The following F10 variants were observed in gnomAD, a reference collection of about 807,000 sequenced individuals.
The protein encoded by F10 is Stuart-Prower factor.
In F10, 29 loss-of-function variants were observed where a neutral mutation model predicts 37.1. The ratio of observed to expected loss-of-function variants is 0.78; its 90% CI spans 0.58 to 1.07. F10 has a LOEUF of 1.07. F10 is among the 50% of genes least tolerant of loss of function. F10 has a pLI of 0.00. For missense variants in F10, 539 were observed against 667.9 expected, an observed-to-expected ratio of 0.81 and a Z score of 2.13; for synonymous variants, 262 against 268.6, an observed-to-expected ratio of 0.98 and a Z score of 0.24.
At chr13:113,127,792 T>G (rs905847663) in intron 1 of F10, among the ~76,000 whole-genome samples, 1 of 152,188 alleles carries the variant, frequency 6.6e-6, no homozygotes, top group Non-Finnish European at 1.5e-5. Flanking sequence ...AGTTTGTAAT[T>G]GAAACAGCAT....
chr13:113,147,461 G>A lies in F10; in HGVS notation c.830G>A (p.Cys277Tyr). 3 of 1,613,896 alleles carry A rather than the reference G, an allele frequency of 1.9e-6. No individual in the cohort carries two copies. The highest frequency in any genetic ancestry group is 2.5e-6 in the Non-Finnish European group (3 of 1,179,806). The change falls in exon 7 of 8, where the codon TGT (cysteine) becomes TAT (tyrosine). Residue 277 changes from cysteine (C) to tyrosine (Y), a missense_variant. Transcript: ENST00000375559. Reference protein sequence around the residue: ...SEFYILTAAHCLYQAKRFKVR... With the variant: ...SEFYILTAAHYLYQAKRFKVR... ...TTCTACATCCTAACGGCAGCCCACT[G>A]TCTCTACCAAGCCAAGAGATTCAAG...
chr13:113,143,464 T>C lies in F10; in HGVS notation c.503-387T>C, dbSNP rs138983032. On this transcript the variant is annotated intron_variant, in intron 5 of 7. Coordinates refer to ENST00000375559, the MANE Select transcript of F10 (RefSeq NM_000504.4). This position sits in a 1 kb window ranked among gnomAD's most constrained non-coding sequence, Gnocchi z 6.8. Reference sequence around the variant, plus strand: ...TCGCACACGCCCAGCACTTGGGTTCTCCTGTTGGCATCCTCCGGCCAGATG... The same window carrying C: ...TCGCACACGCCCAGCACTTGGGTTCCCCTGTTGGCATCCTCCGGCCAGATG... Among the ~76,000 whole-genome samples the C allele has an allele frequency of 3.1e-3, 478 of 152,254 alleles. 3 individuals carry two copies. The highest frequency in any genetic ancestry group is 0.011 in the African/African-American group (456 of 41,542).
At chr13:113,142,038 T>C (rs1171106280) in intron 5 of F10, among the ~76,000 whole-genome samples, 1 of 152,194 alleles carries the variant, frequency 6.6e-6, no homozygotes, top group Non-Finnish European at 1.5e-5. Flanking sequence ...AGATGAGTGA[T>C]CACGAAAAGA....
At chr13:113,129,691 C>T in intron 2 of F10, 79 bp downstream of exon 2, 1 of 1,585,284 alleles carries the variant, frequency 6.3e-7, no homozygotes, top group Admixed American at 1.7e-5. Context: ...CTCCGTCCAT[C>T]CAGGGGGGCG....
At chr13:113,140,192 G>A (rs1056349980) in intron 4 of F10, among the ~76,000 whole-genome samples, 14 of 150,570 alleles carry the variant, frequency 9.3e-5, no homozygotes, top group Admixed American at 2.0e-4. Flanking sequence ...TCCTGCCTCA[G>A]CCTCCCAAGT....
In F10 at chr13:113,129,574, G is replaced by A. The variant is rs1217477767; in HGVS notation, c.193G>A (p.Glu65Lys). Residue 65 changes from glutamate (E) to lysine (K), a missense_variant, in exon 2 of 8, where the codon GAA becomes AAA. This residue lies in a region of F10 where 130 missense variants were observed against 120.0 expected (regional missense o/e 1.08). Coordinates refer to ENST00000375559, the MANE Select transcript of F10 (RefSeq NM_000504.4). ...GTGCATGGAAGAGACCTGCTCATAC[G>A]AAGAGGCCCGCGAGGTCTTTGAGGA... Reference protein sequence around the residue: ...RECMEETCSYEEAREVFEDSD... With the variant: ...RECMEETCSYKEAREVFEDSD... 2.5e-6 allele frequency: 4 copies of A among 1,614,246 alleles called. No individual in the cohort carries two copies. Among genetic ancestry groups the A allele is most frequent in the Non-Finnish European group, 3.4e-6 (4 of 1,180,042 alleles).
chr13:113,127,180 T>C lies in F10; in HGVS notation c.71-2272T>C, dbSNP rs3211728. Among the ~76,000 whole-genome samples, 863 of 152,292 alleles carry C rather than the reference T, an allele frequency of 5.7e-3. 12 individuals are homozygous for C. Among genetic ancestry groups the C allele is most frequent in the African/African-American group, 0.019 (784 of 41,552 alleles). ...TCTTTAAAACAGCTCTAAGAGTAGA[T>C]ATTATAATTCCCTTCTGCCAATAAT... On this transcript the variant is annotated intron_variant, in intron 1 of 7. Coordinates refer to ENST00000375559, the MANE Select transcript of F10 (RefSeq NM_000504.4).
intron 7 of F10, among the ~76,000 whole-genome samples, chr13:113,148,556 T>C (rs973006735): frequency 3.3e-5 from 5 of 152,064 alleles, no homozygotes; most frequent in Admixed American, 2.6e-4. Flanking sequence ...CACAACTATT[T>C]TACACTCTCA....
Position 113,142,792 on chromosome 13 carries a change from C to T in F10, c.503-1059C>T, listed in dbSNP as rs187150867. On this transcript the variant is annotated intron_variant, in intron 5 of 7. Coordinates refer to ENST00000375559, the MANE Select transcript of F10 (RefSeq NM_000504.4). ...AAAAAAATACAAAAACTTAGCTGGG[C>T]GTGGTGGCGCACGCCTGTAATCCCA... Among the ~76,000 whole-genome samples, 47 of 151,486 alleles carry T rather than the reference C, an allele frequency of 3.1e-4. 1 individual carries two copies. Among genetic ancestry groups the T allele is most frequent in the African/African-American group, 9.2e-4 (38 of 41,318 alleles).
At chr13:113,130,090 T>A (rs1422024743) in intron 2 of F10, 7 of 273,442 alleles carry the variant, frequency 2.6e-5, no homozygotes, top group Non-Finnish European at 4.9e-5. Context: ...AACCCAGTAC[T>A]GCTCCTGCAC....
intron 7 of F10, among the ~76,000 whole-genome samples, chr13:113,148,374 ATG>A (rs2036604489): frequency 1.4e-5 from 1 of 69,550 alleles, no homozygotes; most frequent in Non-Finnish European, 2.7e-5. Context: ...GTATATATAT[ATG>A]TGTATATATA....
intron 2 of F10, among the ~76,000 whole-genome samples, chr13:113,133,729 C>G (rs993490845): frequency 1.3e-5 from 2 of 152,114 alleles, no homozygotes. Context: ...ACAAAAACCA[C>G]CCTACGTAAC....
rs759544193 is a variant in F10 at position 113,149,297 on chromosome 13, A to T, written c.1247A>T (p.Gln416Leu). The change falls in exon 8 of 8, where the codon CAG becomes CTG. Residue 416 changes from glutamine to leucine, a missense_variant. Around this residue, in one of 2 missense-constraint regions of F10, gnomAD observed 409 missense variants for 547.9 expected, o/e 0.75. Transcript: ENST00000375559. The surrounding 1 kb of genome is among the most constrained non-coding windows in gnomAD (Gnocchi z 7.5). ...GACACCAAGCAGGAGGATGCCTGCCAGGGGGACAGCGGGGGCCCGCACGTC... is the reference window on the plus strand; with the variant it reads ...GACACCAAGCAGGAGGATGCCTGCCTGGGGGACAGCGGGGGCCCGCACGTC... The part of the protein sequence containing the change: ...GYDTKQEDAC[Q>L]GDSGGPHVTR... The T allele has an allele frequency of 1.2e-5, 20 of 1,613,110 alleles. No individual in the cohort carries two copies. Among genetic ancestry groups the T allele is most frequent in the Non-Finnish European group, 1.5e-5 (18 of 1,180,034 alleles).
intron 5 of F10, among the ~76,000 whole-genome samples, chr13:113,142,447 G>A (rs953007042): frequency 8.8e-5 from 13 of 147,250 alleles, no homozygotes; most frequent in Non-Finnish European, 7.6e-5. Flanking sequence ...CTGCTCAGGA[G>A]GCTGAGGCAA....
intron 1 of F10, among the ~76,000 whole-genome samples, chr13:113,129,106 G>T (rs558537510): frequency 6.6e-6 from 1 of 152,252 alleles, no homozygotes; most frequent in African/African-American, 2.4e-5. Context: ...TTGGAAACTG[G>T]TATCTTATTG....
chr13:113,138,866 C>T (rs1049502307), intron 3 of F10, among the ~76,000 whole-genome samples: 1 of 152,248 alleles, frequency 6.6e-6, no homozygotes, highest in African/African-American at 2.4e-5. Flanking sequence ...GTCATGACTA[C>T]CTGGTAACAG....
intron 2 of F10, chr13:113,129,869 G>A (rs1019070974): frequency 3.7e-5 from 20 of 541,776 alleles, no homozygotes; most frequent in Non-Finnish European, 5.7e-5. Context: ...GAGGGTCACA[G>A]GGCTTCTGCC....
At position 113,141,362 on chromosome 13, in the gene F10, C is replaced by G. The variant is rs1418527986; in HGVS notation, c.502+312C>G. Among the ~76,000 whole-genome samples the G allele has an allele frequency of 6.6e-6, 1 of 152,162 alleles. No individual in the cohort carries two copies. Among genetic ancestry groups the G allele is most frequent in the Non-Finnish European group, 1.5e-5 (1 of 68,026 alleles). On this transcript the variant is annotated intron_variant, in intron 5 of 7. Coordinates refer to ENST00000375559, the MANE Select transcript of F10 (RefSeq NM_000504.4). The surrounding 1 kb of genome is among the most constrained non-coding windows in gnomAD (Gnocchi z 5.4). ...GATCCCTGGAGCACTTTGCATGATG[C>G]CTGGCCCACCGCAGGCCCTCAGTCT...
chr13:113,132,774 G>T (rs1448444893), intron 2 of F10, among the ~76,000 whole-genome samples: 6 of 152,194 alleles, frequency 3.9e-5, no homozygotes, highest in African/African-American at 9.7e-5. Context: ...GACATTTATA[G>T]GATTCTCAAC....
Sources: gnomAD v4.1 joint callset for allele counts (sites outside exome capture counted in the v4.1 genomes callset) on GRCh38, gnomAD v4.1.1 for gene constraint, gnomAD v4.1.1 regional missense constraint, Gnocchi (gnomAD v3.1) non-coding constraint, MANE v1.5 for transcripts, NCBI Gene and HGNC (gene_info 2026-07-23, HGNC 2026-07-21) for gene names.